SLC9C1: variants seen among roughly 807,000 people sequenced by gnomAD.
SLC9C1 encodes solute carrier family 9 member C1, also known as sodium/hydrogen exchanger 10.
A neutral mutation model predicts 140.9 loss-of-function variants in SLC9C1; 97 were observed. That is an observed-to-expected ratio of 0.69 (90% CI 0.58 to 0.82). The LOEUF is 0.82. SLC9C1 is among the 40% of genes least tolerant of loss of function. The probability of loss-of-function intolerance (pLI) is 0.00; values close to 1 mark genes in which losing one functional copy is unlikely to be tolerated. For synonymous variants in SLC9C1, 440 were observed against 442.6 expected (o/e 0.99, Z 0.07); for missense variants, 1,340 against 1,389.3 (o/e 0.96, Z 0.56).
At chr3:112,218,419 G>A (rs923063785) in intron 14 of SLC9C1, among the ~76,000 whole-genome samples, 16 of 135,544 alleles carry the variant, frequency 1.2e-4, no homozygotes, top group African/African-American at 4.4e-4. Context: ...GAATTATAAT[G>A]TTCTTACTTT....
At chr3:112,247,185 G>A (rs1422623304) in intron 10 of SLC9C1, among the ~76,000 whole-genome samples, 1 of 152,060 alleles carries the variant, frequency 6.6e-6, no homozygotes, top group African/African-American at 2.4e-5. Flanking sequence ...TGCTTTAGAG[G>A]CCCAGGGAGC....
At chr3:112,293,314 TATCTC>T (rs1559762759) in intron 1 of SLC9C1, among the ~76,000 whole-genome samples, 6 of 152,016 alleles carry the variant, frequency 3.9e-5, no homozygotes, top group Non-Finnish European at 8.8e-5. Flanking sequence ...TGTTAGCTAA[TATCTC>T]AATTCTCTTT....
chr3:112,203,628 G>C (rs539983646), intron 17 of SLC9C1, among the ~76,000 whole-genome samples: 1 of 152,072 alleles, frequency 6.6e-6, no homozygotes, highest in South Asian at 2.1e-4. Flanking sequence ...TAGTGAAAAA[G>C]ATAGGAAAGA....
Position 112,208,248 on chromosome 3 carries a change from A to AT in SLC9C1, c.1915dup (p.Ile639AsnfsTer10). On this transcript the variant is annotated frameshift_variant, in exon 16 of 29. Transcript: ENST00000305815. LOFTEE classifies it high-confidence loss of function. ...AGTGTGTTTTAATTCGCTGTGGTAG[A>AT]TTACATTTAACTGGGATATCCAAGA... 6.2e-7 allele frequency: 1 copy of AT among 1,612,294 alleles called. No individual in the cohort carries two copies. Among genetic ancestry groups the AT allele is most frequent in the Non-Finnish European group, 8.5e-7 (1 of 1,179,108 alleles).
At chr3:112,189,907 G>C (rs947237822) in intron 20 of SLC9C1, among the ~76,000 whole-genome samples, 1 of 151,906 alleles carries the variant, frequency 6.6e-6, no homozygotes, top group African/African-American at 2.4e-5. Context: ...CTTTTATTTT[G>C]TTGAGCAGTG....
chr3:112,194,163 G>C (rs2077722467), intron 20 of SLC9C1, among the ~76,000 whole-genome samples: 1 of 152,148 alleles, frequency 6.6e-6, no homozygotes, highest in African/African-American at 2.4e-5. Context: ...ATTCCCAGCA[G>C]CTCCCCAAAT....
intron 14 of SLC9C1, among the ~76,000 whole-genome samples, chr3:112,218,039 C>A (rs943234342): frequency 1.3e-5 from 2 of 152,160 alleles, no homozygotes; most frequent in South Asian, 2.1e-4. Context: ...TCTTTGTCTT[C>A]ACCTTCAAAG....
chr3:112,142,354 GC>G (rs2074654084), intron 28 of SLC9C1, among the ~76,000 whole-genome samples: 1 of 151,996 alleles, frequency 6.6e-6, no homozygotes, highest in South Asian at 2.1e-4. Context: ...TACTTGAATT[GC>G]TTATTCATAA....
chr3:112,167,459 ATAT>A (rs1350637440), intron 25 of SLC9C1, 112 bp from the exon 26 acceptor site: 1 of 1,031,908 alleles, frequency 9.7e-7, no homozygotes, highest in Non-Finnish European at 1.3e-6. Flanking sequence ...AAAATGGAAA[ATAT>A]TAACAAATCA....
intron 20 of SLC9C1, among the ~76,000 whole-genome samples, chr3:112,193,326 G>A (rs556987341): frequency 1.3e-5 from 2 of 152,322 alleles, no homozygotes; most frequent in East Asian, 3.9e-4. Context: ...CTGGCTTGGA[G>A]GCAGGTCTGC....
At position 112,221,026 on chromosome 3, in the gene SLC9C1, T is replaced by C. The variant is rs2078526054; in HGVS notation, c.1670+102A>G. The C allele has an allele frequency of 9.4e-6, 8 of 846,836 alleles. No individual in the cohort carries two copies. In the South Asian group the frequency reaches 1.0e-4, roughly 11 times the overall value. The allele number at this position is 846,836 out of a possible 1,614,324, so 52.5% of individuals were successfully genotyped here. ...AATACTATAGTATTAATATTAATAGTAGAGGGAGCCAAGTTACCAGACAAA... is the reference window on the plus strand; with the variant it reads ...AATACTATAGTATTAATATTAATAGCAGAGGGAGCCAAGTTACCAGACAAA... On this transcript the variant is annotated intron_variant, in intron 14 of 28. Coordinates refer to ENST00000305815, the MANE Select transcript of SLC9C1 (RefSeq NM_183061.3).
intron 20 of SLC9C1, among the ~76,000 whole-genome samples, chr3:112,190,618 A>G (rs1053110523): frequency 1.3e-5 from 2 of 152,086 alleles, no homozygotes; most frequent in Non-Finnish European, 2.9e-5. Context: ...TTATTTCTCT[A>G]GTTTCTATTT....
intron 2 of SLC9C1, among the ~76,000 whole-genome samples, chr3:112,282,598 C>A (rs2080388487): frequency 6.6e-6 from 1 of 152,180 alleles, no homozygotes; most frequent in East Asian, 1.9e-4. Flanking sequence ...AGTTTGGCAC[C>A]TTCTCACTTT....
chr3:112,180,546 C>CA lies in SLC9C1; in HGVS notation c.2748+17dup. The CA allele has an allele frequency of 1.3e-6, 2 of 1,574,890 alleles. No homozygotes were observed. Among genetic ancestry groups the CA allele is most frequent in the Middle Eastern group, 1.7e-4 (1 of 5,898 alleles). On this transcript the variant is annotated intron_variant, in intron 22 of 28. Transcript: ENST00000305815. Reference sequence around the variant, plus strand: ...CTCAAAACAAAAAAACAAAACAAAACAAAAACCTCTGCCTTACCTTTACCA... The same window carrying CA: ...CTCAAAACAAAAAAACAAAACAAAACAAAAAACCTCTGCCTTACCTTTACCA...
At chr3:112,215,643 T>A in intron 15 of SLC9C1, among the ~76,000 whole-genome samples, 1 of 152,104 alleles carries the variant, frequency 6.6e-6, no homozygotes, top group Non-Finnish European at 1.5e-5. Flanking sequence ...GAATCCAACT[T>A]ACAAGGGATG....
intron 26 of SLC9C1, among the ~76,000 whole-genome samples, chr3:112,165,566 T>C (rs1488815887): frequency 1.3e-5 from 2 of 152,188 alleles, no homozygotes; most frequent in Non-Finnish European, 2.9e-5. Context: ...GTATCAGCAG[T>C]GGAGGCTGCA....
intron 7 of SLC9C1, among the ~76,000 whole-genome samples, chr3:112,267,354 A>T (rs1329539609): frequency 6.6e-6 from 1 of 152,030 alleles, no homozygotes; most frequent in African/African-American, 2.4e-5. Flanking sequence ...AGGCGGGTGG[A>T]TCATGAGGTC....
intron 23 of SLC9C1, among the ~76,000 whole-genome samples, chr3:112,172,923 A>C (rs2077272457): frequency 6.6e-6 from 1 of 152,054 alleles, no homozygotes; most frequent in Admixed American, 6.6e-5. Context: ...AATCCTTTTA[A>C]TATATTCTTA....
chr3:112,233,687 G>A (rs2078899329), intron 12 of SLC9C1, among the ~76,000 whole-genome samples: 1 of 144,370 alleles, frequency 6.9e-6, no homozygotes, highest in African/African-American at 2.6e-5. Flanking sequence ...GTGTCCATGT[G>A]TTCTCATTGT....
Sources: allele counts gnomAD v4.1 joint callset (sites outside exome capture counted in the v4.1 genomes callset), GRCh38; gene constraint gnomAD v4.1.1; transcripts MANE v1.5; gene names NCBI Gene and HGNC (gene_info 2026-07-23, HGNC 2026-07-21).